SLFN12: variants seen among roughly 807,000 people sequenced by gnomAD.
The protein encoded by SLFN12 is ribonuclease SLFN12.
In SLFN12, 25 loss-of-function variants were observed where a neutral mutation model predicts 29.1. That is an observed-to-expected ratio of 0.86 (90% CI 0.63 to 1.20). SLFN12 has a LOEUF of 1.20. SLFN12 is among the 50% of genes most tolerant of loss of function. The probability of loss-of-function intolerance (pLI) is 0.00; values close to 1 mark genes in which losing one functional copy is unlikely to be tolerated. For synonymous variants in SLFN12, 257 were observed against 238.7 expected (o/e 1.08, Z -0.71); for missense variants, 660 against 666.2 (o/e 0.99, Z 0.10).
chr17:35,417,830 A>G (rs936295561), intron 3 of SLFN12, among the ~76,000 whole-genome samples: 1 of 152,064 alleles, frequency 6.6e-6, no homozygotes, highest in African/African-American at 2.4e-5. Context: ...CACATTAGCA[A>G]TAAACAAGAA....
Position 35,422,980 on chromosome 17 carries a change from C to G in SLFN12, c.49G>C (p.Asp17His). The G allele has an allele frequency of 6.2e-7, 1 of 1,613,514 alleles. No individual in the cohort carries two copies. Among genetic ancestry groups the G allele is most frequent in the Non-Finnish European group, 8.5e-7 (1 of 1,179,826 alleles). ...TCTCCAAGAGTGACTCTTCCCACAT[C>G]TAGAACCAACTCGGCATAATTCGTT... ...LETNYAELVL[D>H]VGRVTLGENS... The change falls in exon 2 of 4, where the codon GAT becomes CAT. Residue 17 changes from aspartate to histidine, a missense_variant. Coordinates refer to ENST00000304905, the MANE Select transcript of SLFN12 (RefSeq NM_018042.5).
intron 1 of SLFN12, among the ~76,000 whole-genome samples, chr17:35,430,222 T>C (rs967355486): frequency 6.6e-6 from 1 of 152,082 alleles, no homozygotes; most frequent in Non-Finnish European, 1.5e-5. Flanking sequence ...GAGGGTGTCC[T>C]GCTCACTGAA....
intron 3 of SLFN12, among the ~76,000 whole-genome samples, chr17:35,412,473 T>C (rs1453393781): frequency 1.3e-5 from 2 of 151,392 alleles, no homozygotes; most frequent in African/African-American, 4.9e-5. Context: ...CCCAAAAGAG[T>C]GGAGGGATCT....
intron 3 of SLFN12, among the ~76,000 whole-genome samples, chr17:35,418,109 A>G (rs774342028): frequency 6.6e-6 from 1 of 152,160 alleles, no homozygotes; most frequent in Non-Finnish European, 1.5e-5. Context: ...AGCAGATTCT[A>G]AAGTGTGTAT....
chr17:35,418,812 G>A (rs1163624154), intron 3 of SLFN12, among the ~76,000 whole-genome samples: 2 of 152,102 alleles, frequency 1.3e-5, no homozygotes, highest in African/African-American at 4.8e-5. Context: ...AAATGAAATA[G>A]CATGCTACAT....
At chr17:35,416,326 T>A (rs1318281462) in intron 3 of SLFN12, among the ~76,000 whole-genome samples, 1 of 151,988 alleles carries the variant, frequency 6.6e-6, no homozygotes, top group Non-Finnish European at 1.5e-5. Context: ...CTAAGAATGA[T>A]ACAAAGGACT....
intron 1 of SLFN12, chr17:35,430,556 C>T (rs1912252511): frequency 6.6e-6 from 1 of 152,072 alleles, no homozygotes; most frequent in Non-Finnish European, 1.5e-5. Context: ...TCTCATCATT[C>T]CAGTTGAAGA....
At chr17:35,425,553 AT>A (rs1414081941) in intron 1 of SLFN12, among the ~76,000 whole-genome samples, 1 of 152,044 alleles carries the variant, frequency 6.6e-6, no homozygotes, top group Non-Finnish European at 1.5e-5. Context: ...TTCACTTAAC[AT>A]AAAGTCCTCC....
chr17:35,422,296 T>G lies in SLFN12; in HGVS notation c.733A>C (p.Lys245Gln), dbSNP rs1159379739. ...GYLFIGLNED[K>Q]EIIGFKAEMS... Reference sequence around the variant, plus strand: ...TCTGCTTTAAAGCCAATTATTTCTTTATCTTCATTTAAACCAATGAACAAA... The same window carrying G: ...TCTGCTTTAAAGCCAATTATTTCTTGATCTTCATTTAAACCAATGAACAAA... Residue 245 changes from lysine to glutamine, a missense_variant, in exon 2 of 4, where the codon AAA becomes CAA. Physicochemically the swap from Lys to Gln is moderately conservative, Grantham distance 53. Coordinates refer to ENST00000304905, the MANE Select transcript of SLFN12 (RefSeq NM_018042.5). The G allele has an allele frequency of 1.9e-6, 3 of 1,613,746 alleles. No individual in the cohort carries two copies. The highest frequency in any genetic ancestry group is 2.5e-6 in the Non-Finnish European group (3 of 1,179,914).
chr17:35,421,261 A>G (rs1474839728), intron 2 of SLFN12, among the ~76,000 whole-genome samples: 2 of 147,908 alleles, frequency 1.4e-5, no homozygotes, highest in East Asian at 4.0e-4. Context: ...AATAAATAGA[A>G]AGGGGACAAG....
chr17:35,412,299 G>A (rs763204314), intron 3 of SLFN12, among the ~76,000 whole-genome samples: 1 of 152,114 alleles, frequency 6.6e-6, no homozygotes, highest in Non-Finnish European at 1.5e-5. Context: ...AAATGAAGCT[G>A]CAGAGAAGAA....
At chr17:35,431,573 C>G (rs1266442165) in intron 1 of SLFN12, among the ~76,000 whole-genome samples, 1 of 152,114 alleles carries the variant, frequency 6.6e-6, no homozygotes, top group Admixed American at 6.5e-5. Flanking sequence ...CAGAGCATCC[C>G]CCTTTAGGGT....
rs1453593500 is a variant in SLFN12, at chr17:35,422,095, A to C, written c.934T>G (p.Cys312Gly). The stretch of plus-strand genomic sequence containing the variant: ...TCAGGCTCTTTAGCAAACACTGCAC[A>C]GCAGAAGCGCTCCACTCTGAGTGCA... ...VCALRVERFC[C>G]AVFAKEPDSW... Residue 312 changes from cysteine (C) to glycine (G), a missense_variant, in exon 2 of 4, where the codon TGT becomes GGT. By Grantham distance (159) the Cys-to-Gly change is radical (BLOSUM62 -3). Coordinates refer to ENST00000304905, the MANE Select transcript of SLFN12 (RefSeq NM_018042.5). The C allele has an allele frequency of 6.2e-7, 1 of 1,614,132 alleles. No homozygotes were observed. The highest frequency in any genetic ancestry group is 2.2e-5 in the East Asian group (1 of 44,888).
rs1305293771 is a variant in SLFN12 at position 35,422,242 on chromosome 17, C to A, written c.787G>T (p.Glu263Ter). Residue 263 changes from glutamate (E) to a stop codon, truncating the protein, a stop_gained, in exon 2 of 4, where the codon GAA becomes TAA. Transcript: ENST00000304905. LOFTEE classifies it high-confidence loss of function. Reference sequence around the variant, plus strand: ...ATCTTCCTAATGGACTTTTCGATTTCTCTTTCTAAGTCATCGAGGTCACTC... The same window carrying A: ...ATCTTCCTAATGGACTTTTCGATTTATCTTTCTAAGTCATCGAGGTCACTC... ...EMSDLDDLER[E>*]IEKSIRKMPV... 4 of 1,614,010 alleles carry A rather than the reference C, an allele frequency of 2.5e-6. No individual in the cohort carries two copies. Among genetic ancestry groups the A allele is most frequent in the Non-Finnish European group, 3.4e-6 (4 of 1,180,030 alleles).
chr17:35,432,695 AG>A (rs563189737), upstream of SLFN12, among the ~76,000 whole-genome samples: 62 of 152,248 alleles, frequency 4.1e-4, no homozygotes, highest in Middle Eastern at 3.4e-3. Context: ...GGGGCTACAA[AG>A]GAAGTTTGTG....
In SLFN12 at chr17:35,411,901, G is replaced by C. The variant is rs1321986266; in HGVS notation, c.1174C>G (p.Pro392Ala). The change falls in exon 4 of 4, where the codon CCA becomes GCA. Residue 392 changes from proline (P) to alanine (A), a missense_variant. Physicochemically the swap from Pro to Ala is conservative, Grantham distance 27. Coordinates refer to ENST00000304905, the MANE Select transcript of SLFN12 (RefSeq NM_018042.5). ...AACAGTTTTCTGCAAAGGTTTTCTG[G>C]AGTATACGTTATCCTTCCTGATAGC... Reference protein sequence around the residue: ...PGLSGRITYTPENLCRKLFLQ... With the variant: ...PGLSGRITYTAENLCRKLFLQ... The C allele has an allele frequency of 6.2e-7, 1 of 1,609,962 alleles. No homozygotes were observed. The highest frequency in any genetic ancestry group is 8.5e-7 in the Non-Finnish European group (1 of 1,178,668).
At chr17:35,427,382 C>G (rs1452965121) in intron 1 of SLFN12, among the ~76,000 whole-genome samples, 2 of 152,130 alleles carry the variant, frequency 1.3e-5, no homozygotes, top group East Asian at 3.8e-4. Context: ...ATTCCTGTCA[C>G]CATTTCTTTA....
chr17:35,428,329 T>G (rs565018748), intron 1 of SLFN12, among the ~76,000 whole-genome samples: 1 of 152,200 alleles, frequency 6.6e-6, no homozygotes, highest in South Asian at 2.1e-4. Context: ...GGGAAGAGGA[T>G]ATGGTATAAA....
intron 1 of SLFN12, among the ~76,000 whole-genome samples, chr17:35,429,195 A>G (rs976238812): frequency 6.6e-6 from 1 of 152,046 alleles, no homozygotes; most frequent in African/African-American, 2.4e-5. Flanking sequence ...GGGGACAGAA[A>G]TCACATCTCA....
Sources: gnomAD v4.1 joint callset for allele counts (sites outside exome capture counted in the v4.1 genomes callset) on GRCh38, gnomAD v4.1.1 for gene constraint, MANE v1.5 for transcripts, NCBI Gene and HGNC (gene_info 2026-07-23, HGNC 2026-07-21) for gene names.